The following PTPN3 variants were observed in gnomAD, a reference collection of about 807,000 sequenced individuals.
The protein encoded by PTPN3 is protein tyrosine phosphatase non-receptor type 3, also known as tyrosine-protein phosphatase non-receptor type 3.
A neutral mutation model predicts 132.7 loss-of-function variants in PTPN3; 96 were observed. The ratio of observed to expected loss-of-function variants is 0.72; its 90% CI spans 0.61 to 0.86. The LOEUF is 0.86. Ranked by LOEUF, PTPN3 falls within the 40% of genes least tolerant of loss-of-function variation. PTPN3 has a pLI of 0.00. For synonymous variants in PTPN3, 398 were observed against 429.0 expected (o/e 0.93, Z 0.89); for missense variants, 1,125 against 1,159.6 (o/e 0.97, Z 0.43).
chr9:109,480,969 T>G (rs1364772295), intron 1 of PTPN3, among the ~76,000 whole-genome samples: 1 of 152,132 alleles, frequency 6.6e-6, no homozygotes, highest in East Asian at 1.9e-4. Context: ...ACCACTAGGT[T>G]TATCCCTCCA....
intron 8 of PTPN3, 73 bp from the exon 9 acceptor site, chr9:109,437,043 A>G (rs112602267): frequency 1.3e-6 from 2 of 1,592,530 alleles, no homozygotes. Context: ...TAAAAAATCT[A>G]GAACATTTGA....
intron 19 of PTPN3, among the ~76,000 whole-genome samples, chr9:109,399,460 G>A (rs1393076281): frequency 2.0e-5 from 3 of 152,076 alleles, no homozygotes; most frequent in Non-Finnish European, 4.4e-5. Context: ...TGGCCATATC[G>A]ATTTCACAGT....
intron 9 of PTPN3, among the ~76,000 whole-genome samples, chr9:109,435,208 G>A (rs1301281816): frequency 1.3e-5 from 2 of 152,162 alleles, no homozygotes; most frequent in Admixed American, 1.3e-4. Context: ...CTTTCAGTAT[G>A]CACCTCAACC....
chr9:109,454,885 C>T (rs189231153), intron 4 of PTPN3, among the ~76,000 whole-genome samples: 18 of 152,318 alleles, frequency 1.2e-4, no homozygotes, highest in African/African-American at 3.6e-4. Flanking sequence ...ATCCTTAAAT[C>T]GGCATTATTA....
rs571345356 is a variant in PTPN3 at position 109,496,576 on chromosome 9, C to T, written c.-18+1643G>A. ...AGGGAGTTGTAAAGATTAAATAAGA[C>T]GATACAGGTGAATGTACTCTGTAAG... On this transcript the variant is annotated intron_variant, in intron 1 of 25. Transcript: ENST00000374541. Among the ~76,000 whole-genome samples the T allele has an allele frequency of 4.6e-5, 7 of 152,288 alleles. No individual in the cohort carries two copies. The South Asian group carries it at 6.2e-4, about 14-fold the overall frequency.
At chr9:109,505,548 G>C in the PTPN3 span, among the ~76,000 whole-genome samples, 1 of 152,158 alleles carries the variant, frequency 6.6e-6, no homozygotes, top group East Asian at 1.9e-4. Context: ...CAAAGTGTTG[G>C]GATTACAGGC....
Position 109,383,371 on chromosome 9 carries a change from G to C in PTPN3, c.2382+52C>G, listed in dbSNP as rs796495932. 32 of 1,613,538 alleles carry C rather than the reference G, an allele frequency of 2.0e-5. 1 individual carries two copies. The African/African-American group carries it at 4.1e-4, about 21-fold the overall frequency. On this transcript the variant is annotated intron_variant, in intron 23 of 25. Transcript: ENST00000374541. ...AGCGTGACCACCTGGGATGACAGTG[G>C]CCGCTGATTCAGCACCTGCCCCTCC... is the stretch of plus-strand genomic sequence containing the variant.
intron 7 of PTPN3, among the ~76,000 whole-genome samples, chr9:109,442,578 C>T (rs548771122): frequency 2.0e-5 from 3 of 152,268 alleles, no homozygotes; most frequent in Non-Finnish European, 2.9e-5. Context: ...CTGAAGCCTG[C>T]GATAGAATTC....
intron 19 of PTPN3, among the ~76,000 whole-genome samples, chr9:109,402,425 C>A (rs1841214337): frequency 6.6e-6 from 1 of 151,924 alleles, no homozygotes. Flanking sequence ...ATTACAGGTG[C>A]CTGCCACCCC....
intron 24 of PTPN3, among the ~76,000 whole-genome samples, chr9:109,382,060 G>C (rs1436031715): frequency 6.6e-6 from 1 of 152,244 alleles, no homozygotes; most frequent in Non-Finnish European, 1.5e-5. Context: ...TCAGCTGACA[G>C]AAGGACAGGA....
chr9:109,520,224 T>C, the PTPN3 span, among the ~76,000 whole-genome samples: 1 of 151,806 alleles, frequency 6.6e-6, no homozygotes, highest in Non-Finnish European at 1.5e-5. Flanking sequence ...CCTAGATTTA[T>C]CTAGAGCCCA....
intron 14 of PTPN3, among the ~76,000 whole-genome samples, chr9:109,415,883 A>G (rs1471407206): frequency 6.6e-6 from 1 of 151,258 alleles, no homozygotes; most frequent in Non-Finnish European, 1.5e-5. Context: ...ATTGGATCAT[A>G]TTGGGTTTCA....
chr9:109,498,018 C>T lies in PTPN3; in HGVS notation c.-18+201G>A, dbSNP rs1847758473. On this transcript the variant is annotated intron_variant, in intron 1 of 25. Coordinates refer to ENST00000374541, the MANE Select transcript of PTPN3 (RefSeq NM_002829.4). This position sits in a 1 kb window ranked among gnomAD's most constrained non-coding sequence, Gnocchi z 4.2. ...CCGCCCGCGCCCTCCCGCCCCGGCC[C>T]CGCCAGGTGAGCGCAGCGGGGCGCC... is the stretch of plus-strand genomic sequence containing the variant. Among the ~76,000 whole-genome samples, 1 of 144,564 alleles carries T rather than the reference C, an allele frequency of 6.9e-6. No individual in the cohort carries two copies. Among genetic ancestry groups the T allele is most frequent in the African/African-American group, 2.5e-5 (1 of 39,756 alleles). The allele number at this position is 144,564 out of a possible 152,430, so 94.8% of individuals were successfully genotyped here. A position where few individuals can be genotyped will look rare whatever the true frequency, so the allele number is the denominator to read the frequency against.
chr9:109,420,136 T>A (rs2131834479), intron 14 of PTPN3, among the ~76,000 whole-genome samples: 1 of 152,318 alleles, frequency 6.6e-6, no homozygotes, highest in Non-Finnish European at 1.5e-5. Flanking sequence ...TGGGCTTTGC[T>A]TGTGAGCTGG....
chr9:109,452,036 G>C (rs34254651), intron 5 of PTPN3, among the ~76,000 whole-genome samples: 2 of 152,088 alleles, frequency 1.3e-5, no homozygotes, highest in African/African-American at 2.4e-5. Context: ...TTGGGAGGCC[G>C]AGGCGGGCAG....
intron 23 of PTPN3, among the ~76,000 whole-genome samples, chr9:109,383,134 A>G (rs1839257362): frequency 6.6e-6 from 1 of 152,144 alleles, no homozygotes; most frequent in African/African-American, 2.4e-5. Flanking sequence ...CAGGGGTCAG[A>G]ATCTCCTTCC....
At chr9:109,446,107 G>A (rs983894635) in intron 6 of PTPN3, among the ~76,000 whole-genome samples, 1 of 152,204 alleles carries the variant, frequency 6.6e-6, no homozygotes, top group Non-Finnish European at 1.5e-5. Flanking sequence ...CAGCAGACCT[G>A]GAGCAGGGGT....
intron 5 of PTPN3, chr9:109,451,214 C>A (rs927074193): frequency 2.0e-6 from 2 of 979,576 alleles, no homozygotes; most frequent in Non-Finnish European, 2.4e-6. Flanking sequence ...CATAGCAAGA[C>A]CCTGTTTCAA....
At chr9:109,400,755 T>C (rs1258912637) in intron 19 of PTPN3, among the ~76,000 whole-genome samples, 1 of 152,224 alleles carries the variant, frequency 6.6e-6, no homozygotes, top group African/African-American at 2.4e-5. Context: ...TATAGGGCTC[T>C]TGTGAGAATT....
Sources: gnomAD v4.1 joint callset for allele counts (sites outside exome capture counted in the v4.1 genomes callset) on GRCh38, gnomAD v4.1.1 for gene constraint, Gnocchi (gnomAD v3.1) non-coding constraint, MANE v1.5 for transcripts, NCBI Gene and HGNC (gene_info 2026-07-23, HGNC 2026-07-21) for gene names.